PCDHGA8: variants seen among roughly 807,000 people sequenced by gnomAD.
PCDHGA8 encodes the protein protocadherin gamma subfamily A, 8.
A neutral mutation model predicts 59.2 loss-of-function variants in PCDHGA8; 45 were observed. The observed-to-expected ratio is 0.76, with a 90% confidence interval of 0.60 to 0.98. The LOEUF (loss-of-function observed/expected upper bound fraction) is 0.98. Ranked by LOEUF, PCDHGA8 falls within the 50% of genes least tolerant of loss-of-function variation. The probability of loss-of-function intolerance (pLI) is 0.00; values close to 1 mark genes in which losing one functional copy is unlikely to be tolerated. For missense variants in PCDHGA8, 1,257 were observed against 1,196.2 expected (o/e 1.05, Z -0.75); for synonymous variants, 531 against 519.0 (o/e 1.02, Z -0.32).
chr5:141,395,185 T>C lies in PCDHGA8; in HGVS notation c.2372T>C (p.Leu791Ser). The change falls in exon 1 of 4, where the codon TTG (leucine) becomes TCG (serine). Residue 791 changes from leucine to serine, a missense_variant. Leu to Ser is a moderately radical substitution (Grantham distance 145). Coordinates refer to ENST00000398604, the MANE Select transcript of PCDHGA8 (RefSeq NM_032088.2). ...SQEGCEKNDS[L>S]LTSVDFHEYK... ...GAGGGCTGTGAGAAAAATGATTCTTTGTTAACATCCGTAGATTTTCATGAA... is the reference window on the plus strand; with the variant it reads ...GAGGGCTGTGAGAAAAATGATTCTTCGTTAACATCCGTAGATTTTCATGAA... The C allele has an allele frequency of 6.2e-7, 1 of 1,614,158 alleles. No homozygotes were observed. The highest frequency in any genetic ancestry group is 8.5e-7 in the Non-Finnish European group (1 of 1,179,986).
rs1485520054 is a variant in PCDHGA8 at position 141,511,210 on chromosome 5, C to T, written c.*37C>T. 6.2e-7 allele frequency: 1 copy of T among 1,609,328 alleles called. No individual in the cohort carries two copies. The highest frequency in any genetic ancestry group is 1.3e-5 in the African/African-American group (1 of 74,896). ...GGCCAAGAGCCACAGGGCGGCCTCT[C>T]CCCAACCAGCCCAGCTTCTCCTTAC... On this transcript the variant is annotated 3_prime_UTR_variant, in exon 4 of 4. Transcript: ENST00000398604.
chr5:141,418,433 C>A (rs761824602), intron 1 of PCDHGA8: 6 of 1,613,820 alleles, frequency 3.7e-6, no homozygotes, highest in South Asian at 3.3e-5. Flanking sequence ...TGGCAAATAT[C>A]CAGAATTAGT....
intron 1 of PCDHGA8, among the ~76,000 whole-genome samples, chr5:141,463,762 T>C (rs113547206): frequency 2.0e-5 from 3 of 152,214 alleles, no homozygotes; most frequent in African/African-American, 4.8e-5. Flanking sequence ...TCTTCTCTTA[T>C]GGGTTAGAAT....
intron 1 of PCDHGA8, chr5:141,419,345 C>T (rs111954647): frequency 6.2e-6 from 10 of 1,613,858 alleles, no homozygotes; most frequent in African/African-American, 2.7e-5. Flanking sequence ...TGCCAGCGAC[C>T]TGGAGTCACG....
In PCDHGA8 at chr5:141,448,944, C is replaced by CAAAA. The variant is rs560691811; in HGVS notation, c.2425-45859_2425-45856dup. Among the ~76,000 whole-genome samples, 218 of 152,004 alleles carry CAAAA rather than the reference C, an allele frequency of 1.4e-3. 1 individual carries two copies. The highest frequency in any genetic ancestry group is 5.1e-3 in the African/African-American group (213 of 41,464). On this transcript the variant is annotated intron_variant, in intron 1 of 3. Coordinates refer to ENST00000398604, the MANE Select transcript of PCDHGA8 (RefSeq NM_032088.2). ...TGGGCGACAGAGCAAGACTGCAACTCAAAAAAACAAACAAACAAACAAAAA... is the reference window on the plus strand; with the variant it reads ...TGGGCGACAGAGCAAGACTGCAACTCAAAAAAAAAAACAAACAAACAAACAAAAA...
chr5:141,476,205 C>G lies in PCDHGA8; in HGVS notation c.2425-18602C>G. ...CTGCTTGGTGCCTTGAACAAGGCTT[C>G]CACGGTCATTCACTATGAGATCCCG... On this transcript the variant is annotated intron_variant, in intron 1 of 3. Transcript: ENST00000398604. The surrounding 1 kb of genome is among the most constrained non-coding windows in gnomAD (Gnocchi z 7.6). 1 of 1,613,892 alleles carries G rather than the reference C, an allele frequency of 6.2e-7. No homozygotes were observed. Among genetic ancestry groups the G allele is most frequent in the Non-Finnish European group, 8.5e-7 (1 of 1,180,012 alleles).
At chr5:141,451,468 C>G (rs2098716484) in intron 1 of PCDHGA8, among the ~76,000 whole-genome samples, 1 of 152,202 alleles carries the variant, frequency 6.6e-6, no homozygotes, top group South Asian at 2.1e-4. Context: ...AGGTCTACCT[C>G]AGTTCCTTGC....
chr5:141,421,187 A>G (rs745843422), intron 1 of PCDHGA8: 5 of 1,473,698 alleles, frequency 3.4e-6, no homozygotes, highest in Non-Finnish European at 4.5e-6. Context: ...TTCACAACCA[A>G]CCAGCTCGAG....
rs752660585 is a variant in PCDHGA8 at position 141,400,337 on chromosome 5, C to A, written c.2424+5100C>A. The A allele has an allele frequency of 6.6e-5, 106 of 1,613,962 alleles. No homozygotes were observed. The Admixed American group carries it at 1.7e-3, about 26-fold the overall frequency. ...GTCAAGTCTGGACCTGTGGTTCCCC[C>A]CAACTACAGTCAGGGGACTTTGCCT... On this transcript the variant is annotated intron_variant, in intron 1 of 3. Transcript: ENST00000398604.
At chr5:141,413,385 A>G (rs1328460811) in intron 1 of PCDHGA8, 23 of 1,613,870 alleles carry the variant, frequency 1.4e-5, no homozygotes, top group Non-Finnish European at 1.8e-5. Flanking sequence ...GAGTCCGCAT[A>G]GTCTCCAGAG....
rs1365133001 is a variant in PCDHGA8 at position 141,477,683 on chromosome 5, G to A, written c.2425-17124G>A. ...TGACAATGGCATAGTGTCATCCTTA[G>A]TGCCCCTAGACTATGAGGATCGGCG... On this transcript the variant is annotated intron_variant, in intron 1 of 3. Transcript: ENST00000398604. This position sits in a 1 kb window ranked among gnomAD's most constrained non-coding sequence, Gnocchi z 4.9. 1.2e-6 allele frequency: 2 copies of A among 1,614,176 alleles called. No homozygotes were observed. The highest frequency in any genetic ancestry group is 3.3e-5 in the Admixed American group (2 of 60,028).
Position 141,432,136 on chromosome 5 carries a change from T to C in PCDHGA8, c.2424+36899T>C, listed in dbSNP as rs766026174. 2 of 1,613,960 alleles carry C rather than the reference T, an allele frequency of 1.2e-6. No individual in the cohort carries two copies. The highest frequency in any genetic ancestry group is 1.7e-5 in the Admixed American group (1 of 59,996). On this transcript the variant is annotated intron_variant, in intron 1 of 3. Transcript: ENST00000398604. The surrounding 1 kb of genome is among the most constrained non-coding windows in gnomAD (Gnocchi z 6.0). ...TCTTCCCTCAGGCCTCCTATTCCGC[T>C]TATATCCCAGAGAACAATCCCAGAG...
intron 1 of PCDHGA8, chr5:141,475,934 G>C (rs754356530): frequency 3.0e-6 from 2 of 665,118 alleles, no homozygotes; most frequent in Non-Finnish European, 5.0e-6. Context: ...TCGGGCCCCT[G>C]CCCGTCCCCT....
chr5:141,419,258 C>A, intron 1 of PCDHGA8: 3 of 1,614,028 alleles, frequency 1.9e-6, no homozygotes, highest in Non-Finnish European at 2.5e-6. Flanking sequence ...AAACAACCAG[C>A]CGGGTGCCTC....
At position 141,393,564 on chromosome 5, in the gene PCDHGA8, G is replaced by A; in HGVS notation, c.751G>A (p.Val251Ile). Residue 251 changes from valine (V) to isoleucine (I), a missense_variant, in exon 1 of 4, where the codon GTC (valine) becomes ATC (isoleucine). Val to Ile is a conservative substitution (Grantham distance 29, BLOSUM62 3). Coordinates refer to ENST00000398604, the MANE Select transcript of PCDHGA8 (RefSeq NM_032088.2). ...TCCTCACCCGATTTACCGAGTGAAA[G>A]TCCTTGAGAACATGCCCCCAGGCAC... is the stretch of plus-strand genomic sequence containing the variant. ...VFPHPIYRVK[V>I]LENMPPGTRL... 1 of 1,613,932 alleles carries A rather than the reference G, an allele frequency of 6.2e-7. No individual in the cohort carries two copies. Among genetic ancestry groups the A allele is most frequent in the Non-Finnish European group, 8.5e-7 (1 of 1,179,894 alleles).
intron 1 of PCDHGA8, chr5:141,418,471 G>A (rs199547102): frequency 1.9e-6 from 3 of 1,614,002 alleles, no homozygotes; most frequent in South Asian, 2.2e-5. Flanking sequence ...ACCGAGAAAC[G>A]CAGAGCGCTC....
At chr5:141,427,599 C>G (rs1233253295) in intron 1 of PCDHGA8, 1 of 682,980 alleles carries the variant, frequency 1.5e-6, no homozygotes, top group African/African-American at 1.8e-5. Flanking sequence ...CCTCACCCTA[C>G]GCATTGGTGA....
intron 1 of PCDHGA8, chr5:141,399,003 A>C: frequency 6.2e-7 from 1 of 1,613,966 alleles, no homozygotes; most frequent in East Asian, 2.2e-5. Context: ...GTCTGAATTC[A>C]AAGAGCGGAG....
intron 1 of PCDHGA8, chr5:141,409,386 A>C (rs369240403): frequency 1.2e-6 from 2 of 1,613,914 alleles, no homozygotes; most frequent in African/African-American, 2.7e-5. Flanking sequence ...TTCAAGATTT[A>C]TTCTTCTTCC....
Sources: allele counts gnomAD v4.1 joint callset (sites outside exome capture counted in the v4.1 genomes callset), GRCh38; gene constraint gnomAD v4.1.1; non-coding constraint Gnocchi (gnomAD v3.1); transcripts MANE v1.5; gene names NCBI Gene and HGNC (gene_info 2026-07-23, HGNC 2026-07-21).